MLC1: variants seen among roughly 807,000 people sequenced by gnomAD.
MLC1 encodes membrane protein MLC1.
A neutral mutation model predicts 44.7 loss-of-function variants in MLC1; 32 were observed. That is an observed-to-expected ratio of 0.72 (90% CI 0.54 to 0.96). The LOEUF is 0.96. Among genes scored for constraint, MLC1 ranks in the 40% least tolerant of loss-of-function variants. MLC1 has a pLI of 0.00. For synonymous variants in MLC1, 190 were observed against 213.0 expected (o/e 0.89, Z 0.94); for missense variants, 459 against 492.2 (o/e 0.93, Z 0.64).
chr22:50,076,864 C>T lies in MLC1; in HGVS notation c.574G>A (p.Ala192Thr). The change falls in exon 7 of 12, where the codon GCT (alanine) becomes ACT (threonine). Residue 192 changes from alanine to threonine, a missense_variant. Physicochemically the swap from Ala to Thr is moderately conservative, Grantham distance 58. Coordinates refer to ENST00000311597, the MANE Select transcript of MLC1 (RefSeq NM_015166.4). ...ANILDEVPFP[A>T]RVLKSYSVVE... ...ACTGAGTAAGATTTCAGGACCCGAG[C>T]AGGAAATGGCACTTCGTCCAGAATG... is the stretch of plus-strand genomic sequence containing the variant. The T allele has an allele frequency of 1.2e-6, 2 of 1,613,898 alleles. No individual in the cohort carries two copies. The highest frequency in any genetic ancestry group is 1.7e-6 in the Non-Finnish European group (2 of 1,179,854).
intron 10 of MLC1, among the ~76,000 whole-genome samples, chr22:50,065,531 G>A (rs1318396370): frequency 1.3e-5 from 2 of 152,182 alleles, no homozygotes; most frequent in Admixed American, 6.5e-5. Context: ...GGTCTCCCCC[G>A]GCACCAGGGT....
rs1162188948 is a variant in MLC1 at position 50,076,827 on chromosome 22, GGAA to G, written c.597+11_597+13del. On this transcript the variant is annotated intron_variant, in intron 7 of 11. Coordinates refer to ENST00000311597, the MANE Select transcript of MLC1 (RefSeq NM_015166.4). ...GAGTATGAGAGAAAAGAGAAAGAAG[GGAA>G]GTTTTCTTACTGAGTAAGATTTCAG... 4 of 1,612,100 alleles carry G rather than the reference GGAA, an allele frequency of 2.5e-6. No homozygotes were observed. The highest frequency in any genetic ancestry group is 3.4e-6 in the Non-Finnish European group (4 of 1,178,312).
In MLC1 at chr22:50,066,968, C is replaced by T. The variant is rs769631876; in HGVS notation, c.894+1465G>A. Among the ~76,000 whole-genome samples the T allele has an allele frequency of 5.9e-5, 9 of 152,132 alleles. No homozygotes were observed. In the East Asian group the frequency reaches 7.7e-4, roughly 13 times the overall value. ...ACCCCACACAGAAAGGGGCCGACTT[C>T]GATGGCGTGTGGCCGTCCCCTGCTA... On this transcript the variant is annotated intron_variant, in intron 10 of 11. Transcript: ENST00000311597.
In MLC1 at chr22:50,061,410, G is replaced by T; in HGVS notation, c.*173C>A. ...CTGAGGCACAGACTAGCCAACATTGGCCTATTTTAAAATTAAACTACCCTA... is the reference window on the plus strand; with the variant it reads ...CTGAGGCACAGACTAGCCAACATTGTCCTATTTTAAAATTAAACTACCCTA... On this transcript the variant is annotated 3_prime_UTR_variant, in exon 12 of 12. Transcript: ENST00000311597. The T allele has an allele frequency of 1.4e-6, 1 of 690,322 alleles. No homozygotes were observed. Among genetic ancestry groups the T allele is most frequent in the Non-Finnish European group, 2.6e-6 (1 of 391,762 alleles). The allele number at this position is 690,322 out of a possible 1,614,324, so 42.8% of individuals were successfully genotyped here. A position where few individuals can be genotyped will look rare whatever the true frequency, so the allele number is the denominator to read the frequency against.
At position 50,077,334 on chromosome 22, in the gene MLC1, C is replaced by T. The variant is rs928274457; in HGVS notation, c.525+67G>A. 270 of 1,408,238 alleles carry T rather than the reference C, an allele frequency of 1.9e-4. 3 individuals are homozygous for T. In the South Asian group the frequency reaches 3.1e-3, roughly 16 times the overall value. 87.2% of individuals were successfully genotyped at this position (1,408,238 alleles called of 1,614,324 possible). On this transcript the variant is annotated intron_variant, in intron 6 of 11. Transcript: ENST00000311597. ...GGCCCTCCGAGGGTGACGCTGAGAC[C>T]CACCTCGCTCACCCTGGGGTGATGC...
rs6010166 is a variant in MLC1, at chr22:50,077,248, C to T, written c.525+153G>A. Reference sequence around the variant, plus strand: ...ACCCAGCTCCAGAGCCCCTCCTGGCCGGGGTTTCTGAGACCCAGGAGAGAG... The same window carrying T: ...ACCCAGCTCCAGAGCCCCTCCTGGCTGGGGTTTCTGAGACCCAGGAGAGAG... On this transcript the variant is annotated intron_variant, in intron 6 of 11. Transcript: ENST00000311597. Among the ~76,000 whole-genome samples the T allele has an allele frequency of 0.23, 35,540 of 152,074 alleles. 5,105 individuals carry two copies. Among genetic ancestry groups the T allele is most frequent in the Non-Finnish European group, 0.33 (22,090 of 67,916 alleles).
chr22:50,081,021 G>GAAAGAAAGAAAGAAAGAAAGAAAGAA (rs2062116295), intron 3 of MLC1, among the ~76,000 whole-genome samples: 1 of 143,464 alleles, frequency 7.0e-6, no homozygotes, highest in Non-Finnish European at 1.5e-5. Context: ...AAGAAAGAAA[G>GAAAGAAAGAAAGAAAGAAAGAAAGAA]AAAGAAAGAA....
At chr22:50,066,097 G>A (rs1356196771) in intron 10 of MLC1, among the ~76,000 whole-genome samples, 1 of 152,206 alleles carries the variant, frequency 6.6e-6, no homozygotes, top group African/African-American at 2.4e-5. Context: ...CAGCACTTTG[G>A]GAGGCCAAGG....
At chr22:50,074,570 C>T in intron 7 of MLC1, 1 of 540,466 alleles carries the variant, frequency 1.9e-6, no homozygotes, top group Non-Finnish European at 3.4e-6. Flanking sequence ...GTGTTTCCCC[C>T]ACTGCTGCTT....
chr22:50,068,862 G>A (rs957570897), intron 9 of MLC1, among the ~76,000 whole-genome samples: 2 of 151,710 alleles, frequency 1.3e-5, no homozygotes, highest in African/African-American at 4.8e-5. Flanking sequence ...GAGTAGCTGG[G>A]ATTACAGGCG....
At position 50,070,527 on chromosome 22, in the gene MLC1, C is replaced by T; in HGVS notation, c.771G>A (p.Leu257=). 1.9e-6 allele frequency: 3 copies of T among 1,560,048 alleles called. No individual in the cohort carries two copies. Among genetic ancestry groups the T allele is most frequent in the South Asian group, 2.4e-5 (2 of 84,694 alleles). ...HVAAECPSKC[L]VEVLIAISSL... Reference sequence around the variant, plus strand: ...ACCCAGGGCTGAGGGGTTCACCCACCAGACACTTGCTGGGACACTCTGCTG... The same window carrying T: ...ACCCAGGGCTGAGGGGTTCACCCACTAGACACTTGCTGGGACACTCTGCTG... Residue 257 remains leucine, a splice_region_variant and synonymous_variant, in exon 9 of 12, where the codon CTG becomes CTA. Transcript: ENST00000311597.
At chr22:50,074,059 C>A (rs1245556468) in intron 8 of MLC1, among the ~76,000 whole-genome samples, 157 bp downstream of exon 8, 1 of 152,138 alleles carries the variant, frequency 6.6e-6, no homozygotes, top group Non-Finnish European at 1.5e-5. Flanking sequence ...CTCATTTAAT[C>A]CTTAACTCCC....
chr22:50,080,230 C>T (rs776818742), intron 4 of MLC1, 114 bp downstream of exon 4: 5 of 1,391,946 alleles, frequency 3.6e-6, no homozygotes, highest in Non-Finnish European at 4.9e-6. Context: ...TCGGGGGCCC[C>T]TCTCGGTGCC....
At chr22:50,068,342 G>A (rs1230670766) in intron 10 of MLC1, 91 bp downstream of exon 10, 9 of 1,544,642 alleles carry the variant, frequency 5.8e-6, no homozygotes, top group Middle Eastern at 2.0e-4. Context: ...TGGAGCCAGC[G>A]CCCCCAGAGT....
chr22:50,073,928 A>C (rs181550951), intron 8 of MLC1, among the ~76,000 whole-genome samples: 2 of 152,304 alleles, frequency 1.3e-5, no homozygotes, highest in African/African-American at 2.4e-5. Flanking sequence ...AATAATAAAC[A>C]TCTACAGCCT....
chr22:50,064,095 G>T lies in MLC1; in HGVS notation c.998C>A (p.Ala333Glu). ...AIQCVRFKVS[A>E]RLQGASWDTQ... Reference sequence around the variant, plus strand: ...GTCCCAGGATGCACCCTGCAGCCTTGCACTGACCTTGAAGCGCACGCACTG... The same window carrying T: ...GTCCCAGGATGCACCCTGCAGCCTTTCACTGACCTTGAAGCGCACGCACTG... The change falls in exon 11 of 12, where the codon GCA becomes GAA. Residue 333 changes from alanine (A) to glutamate (E), a missense_variant. Physicochemically the swap from Ala to Glu is moderately radical, Grantham distance 107. Transcript: ENST00000311597. 1.4e-5 allele frequency: 22 copies of T among 1,602,118 alleles called. 1 individual carries two copies. The highest frequency in any genetic ancestry group is 1.9e-5 in the Non-Finnish European group (22 of 1,176,396).
At chr22:50,080,550 A>C (rs1268854019) in intron 3 of MLC1, among the ~76,000 whole-genome samples, 153 bp from the exon 4 acceptor site, 2 of 152,154 alleles carry the variant, frequency 1.3e-5, no homozygotes, top group Non-Finnish European at 2.9e-5. Context: ...CTTGACTAGA[A>C]GGCCCCCAGG....
Position 50,061,524 on chromosome 22 carries a change from G to T in MLC1, c.*59C>A. ...CAGTAGCTCAGGGCGATTAGGGGTTGTGCGTTTCCATGCTTGGGGCCAGGC... is the reference window on the plus strand; with the variant it reads ...CAGTAGCTCAGGGCGATTAGGGGTTTTGCGTTTCCATGCTTGGGGCCAGGC... On this transcript the variant is annotated 3_prime_UTR_variant, in exon 12 of 12. Coordinates refer to ENST00000311597, the MANE Select transcript of MLC1 (RefSeq NM_015166.4). 1.3e-6 allele frequency: 2 copies of T among 1,528,676 alleles called. No homozygotes were observed. The highest frequency in any genetic ancestry group is 1.8e-6 in the Non-Finnish European group (2 of 1,105,862). The allele number at this position is 1,528,676 out of a possible 1,614,324, so 94.7% of individuals were successfully genotyped here. A position where few individuals can be genotyped will look rare whatever the true frequency, so the allele number is the denominator to read the frequency against.
chr22:50,080,111 T>C, intron 4 of MLC1, 92 bp from the exon 5 acceptor site: 1 of 1,117,866 alleles, frequency 8.9e-7, no homozygotes, highest in Non-Finnish European at 1.3e-6. Flanking sequence ...TCACTAAAAA[T>C]TATCCTGATT....
Sources: gnomAD v4.1 joint callset for allele counts (sites outside exome capture counted in the v4.1 genomes callset) on GRCh38, gnomAD v4.1.1 for gene constraint, MANE v1.5 for transcripts, NCBI Gene and HGNC (gene_info 2026-07-23, HGNC 2026-07-21) for gene names.